Variants in NPM1 observed in about 807,000 individuals in gnomAD.
NPM1 encodes nucleophosmin.
A neutral mutation model predicts 44.1 loss-of-function variants in NPM1; 1 was observed. That is an observed-to-expected ratio of 0.02 (90% CI 0.01 to 0.11). NPM1 has a LOEUF of 0.11. NPM1 is among the 10% of genes least tolerant of loss of function. The pLI, the probability that NPM1 is intolerant of heterozygous loss-of-function variation, is 1.00. For synonymous variants in NPM1, 126 were observed against 111.8 expected (o/e 1.13, Z -0.80); for missense variants, 197 against 347.8 (o/e 0.57, Z 3.45).
rs60056043 is a variant in NPM1, at chr5:171,392,603, T to A, written c.353-107T>A. On this transcript the variant is annotated intron_variant, in intron 4 of 10. Transcript: ENST00000296930. ...CATGTGCTCTTTTTTTTTTTTTTTT[T>A]AAATAGAATAGAAGTCTCAGTTTTT... is the stretch of plus-strand genomic sequence containing the variant. 211,831 of 549,514 alleles carry A rather than the reference T, an allele frequency of 0.39. 43,643 individuals are homozygous for A. The highest frequency in any genetic ancestry group is 0.48 in the East Asian group (14,508 of 30,406). The allele number at this position is 549,514 out of a possible 1,614,324, so 34.0% of individuals were successfully genotyped here.
chr5:171,402,972 T>TTCC lies in NPM1; in HGVS notation c.669+2047_669+2048insTCC, dbSNP rs1374577396. 8.5e-5 allele frequency among the ~76,000 whole-genome samples: 9 copies of TTCC among 105,972 alleles called. No homozygotes were observed. The East Asian group carries it at 1.4e-3, about 16-fold the overall frequency. The allele number at this position is 105,972 out of a possible 152,430, so 69.5% of individuals were successfully genotyped here. On this transcript the variant is annotated intron_variant, in intron 8 of 10. Coordinates refer to ENST00000296930, the MANE Select transcript of NPM1 (RefSeq NM_002520.7). Reference sequence around the variant, plus strand: ...TAGTTCTTTTTTTTTTTTTTCATTTTATTTATTTATTTATTTATTTTTTAT... The same window carrying TTCC: ...TAGTTCTTTTTTTTTTTTTTCATTTTTCCATTTATTTATTTATTTATTTTTTAT...
chr5:171,402,887 C>T (rs922683590), intron 8 of NPM1, among the ~76,000 whole-genome samples: 6 of 149,394 alleles, frequency 4.0e-5, no homozygotes, highest in African/African-American at 7.4e-5. Flanking sequence ...GCTTCCTATA[C>T]AGCCTACAGC....
chr5:171,400,961 C>G, intron 8 of NPM1, 36 bp downstream of exon 8: 1 of 1,372,216 alleles, frequency 7.3e-7, no homozygotes, highest in Non-Finnish European at 1.0e-6. Context: ...TCTCATTGAT[C>G]TAGTTGGGGA....
At chr5:171,387,800 C>A (rs568219237), upstream of NPM1, 17 of 723,986 alleles carry the variant, frequency 2.3e-5, no homozygotes, top group Middle Eastern at 3.9e-4. Context: ...ACTTGGGAAG[C>A]GCTCGCGAGA....
At chr5:171,388,192 G>T (rs781158093) in intron 1 of NPM1, among the ~76,000 whole-genome samples, 186 bp downstream of exon 1, 44 of 152,096 alleles carry the variant, frequency 2.9e-4, no homozygotes, top group Non-Finnish European at 5.4e-4. Flanking sequence ...GGGGGGAGCC[G>T]GTGGCGTGAA....
intron 4 of NPM1, 80 bp from the exon 5 acceptor site, chr5:171,392,630 G>T: frequency 1.2e-5 from 9 of 730,256 alleles, no homozygotes; most frequent in South Asian, 2.1e-5. Context: ...TCAGTTTTTA[G>T]AGTATTTACT....
In NPM1 at chr5:171,391,431, G is replaced by A; in HGVS notation, c.258+7G>A. Reference sequence around the variant, plus strand: ...AATGTCTGTACAGCCAACGGTAAGGGCACTTACATACTTTGGATGTTGTGT... The same window carrying A: ...AATGTCTGTACAGCCAACGGTAAGGACACTTACATACTTTGGATGTTGTGT... On this transcript the variant is annotated splice_region_variant and intron_variant, in intron 3 of 10. Coordinates refer to ENST00000296930, the MANE Select transcript of NPM1 (RefSeq NM_002520.7). 1 of 1,605,768 alleles carries A rather than the reference G, an allele frequency of 6.2e-7. No individual in the cohort carries two copies. The highest frequency in any genetic ancestry group is 8.5e-7 in the Non-Finnish European group (1 of 1,179,848).
chr5:171,410,015 C>T (rs1297943554), intron 10 of NPM1, among the ~76,000 whole-genome samples: 1 of 151,996 alleles, frequency 6.6e-6, no homozygotes, highest in African/African-American at 2.4e-5. Context: ...AGGCTGGTCT[C>T]AAATTCCTGA....
chr5:171,388,036 C>T (rs756111797), intron 1 of NPM1, 30 bp downstream of exon 1: 3 of 1,444,744 alleles, frequency 2.1e-6, no homozygotes, highest in South Asian at 2.3e-5. Flanking sequence ...GGAGCGAGGC[C>T]GAGCGGGGCC....
intron 6 of NPM1, among the ~76,000 whole-genome samples, chr5:171,398,336 C>T (rs1018508403): frequency 6.6e-6 from 1 of 152,122 alleles, no homozygotes; most frequent in Non-Finnish European, 1.5e-5. Context: ...ATATTTAGGG[C>T]TTTGTTCCAT....
At chr5:171,403,739 AC>A (rs1302940930) in intron 8 of NPM1, among the ~76,000 whole-genome samples, 8 of 126,348 alleles carry the variant, frequency 6.3e-5, no homozygotes, top group African/African-American at 1.8e-4. Context: ...CGGGGGGCTG[AC>A]CCCCCCACCT....
intron 8 of NPM1, among the ~76,000 whole-genome samples, chr5:171,404,785 G>A (rs1416884043): frequency 3.3e-5 from 5 of 150,806 alleles, no homozygotes; most frequent in South Asian, 4.3e-4. Context: ...CAAGGCAGGC[G>A]GCTGGGAGGT....
Position 171,392,958 on chromosome 5 carries a change from T to C in NPM1, c.504T>C (p.Asp168=), listed in dbSNP as rs1554135984. Residue 168 remains aspartate, a synonymous_variant, in exon 6 of 11, where the codon GAT becomes GAC. Transcript: ENST00000296930. ...CTGATGAAGATGATGACGATGATGA[T>C]GAAGAGGATGATGATGAAGAGTAAG... ...LAADEDDDDD[D]EEDDDEDDDD... is the part of the protein sequence containing the mutation. 2 of 1,608,856 alleles carry C rather than the reference T, an allele frequency of 1.2e-6. No individual in the cohort carries two copies. Among genetic ancestry groups the C allele is most frequent in the Admixed American group, 1.7e-5 (1 of 59,944 alleles).
chr5:171,398,212 T>A (rs1308247207), intron 6 of NPM1, among the ~76,000 whole-genome samples: 31 of 152,260 alleles, frequency 2.0e-4, no homozygotes. Context: ...AGTTTTTAAT[T>A]TTTATGACGT....
intron 10 of NPM1, 86 bp downstream of exon 10, chr5:171,407,860 C>A: frequency 1.2e-6 from 1 of 803,566 alleles, no homozygotes; most frequent in Non-Finnish European, 2.1e-6. Context: ...TAAGTGTTGG[C>A]TCTTTTTAAA....
chr5:171,403,718 G>A (rs1193208546), intron 8 of NPM1, among the ~76,000 whole-genome samples: 3 of 146,332 alleles, frequency 2.1e-5, no homozygotes, highest in Non-Finnish European at 4.6e-5. Flanking sequence ...CGGACAGGGC[G>A]GCCGGCCGGG....
chr5:171,405,546 ATTTC>A lies in NPM1; in HGVS notation c.771+146_771+149del, dbSNP rs1390486678. 9 of 641,734 alleles carry A rather than the reference ATTTC, an allele frequency of 1.4e-5. No individual in the cohort carries two copies. The Admixed American group carries it at 2.8e-4, about 20-fold the overall frequency. 39.8% of individuals were successfully genotyped at this position (641,734 alleles called of 1,614,324 possible). A position where few individuals can be genotyped will look rare whatever the true frequency, so the allele number is the denominator to read the frequency against. ...GTTCGTGGTATGAATTTTTTCAAAA[ATTTC>A]TTATAAAACATTTATAATCGTGTCT... On this transcript the variant is annotated intron_variant, in intron 9 of 10. Coordinates refer to ENST00000296930, the MANE Select transcript of NPM1 (RefSeq NM_002520.7).
intron 10 of NPM1, among the ~76,000 whole-genome samples, chr5:171,409,296 T>G (rs1771710329): frequency 6.6e-6 from 1 of 152,212 alleles, no homozygotes; most frequent in East Asian, 1.9e-4. Context: ...TATATTTGTT[T>G]GAACCTGATG....
At chr5:171,406,351 C>T (rs944237924) in intron 9 of NPM1, 4 of 1,536,624 alleles carry the variant, frequency 2.6e-6, no homozygotes, top group Admixed American at 1.7e-5. Flanking sequence ...TTAGATGCCC[C>T]TCCCCTCCAT....
Sources: allele counts gnomAD v4.1 joint callset (sites outside exome capture counted in the v4.1 genomes callset), GRCh38; gene constraint gnomAD v4.1.1; transcripts MANE v1.5; gene names NCBI Gene and HGNC (gene_info 2026-07-23, HGNC 2026-07-21).